The following ADARB2 variants were observed in gnomAD, a reference collection of about 807,000 sequenced individuals.
ADARB2 encodes inactive double-stranded RNA-specific editase B2.
Under a neutral mutation model 62.2 loss-of-function variants are expected in ADARB2, and 25 were observed. The ratio of observed to expected loss-of-function variants is 0.40; its 90% CI spans 0.29 to 0.56. ADARB2 has a LOEUF of 0.56. Ranked by LOEUF, ADARB2 falls within the 20% of genes least tolerant of loss-of-function variation. The pLI is 0.43. For synonymous variants in ADARB2, 572 were observed against 500.8 expected, an observed-to-expected ratio of 1.14 and a Z score of -1.90; for missense variants, 1,071 against 1,077.4, an observed-to-expected ratio of 0.99 and a Z score of 0.08.
chr10:1,512,430 C>T (rs1274445867), intron 1 of ADARB2, among the ~76,000 whole-genome samples: 2 of 152,194 alleles, frequency 1.3e-5, no homozygotes, highest in Non-Finnish European at 2.9e-5. Flanking sequence ...ACACTGGATA[C>T]CAAGACTTTG....
chr10:1,428,480 A>G (rs778929077), intron 1 of ADARB2, among the ~76,000 whole-genome samples: 5 of 151,020 alleles, frequency 3.3e-5, no homozygotes, highest in Non-Finnish European at 7.4e-5. Context: ...GTAGAGATGG[A>G]GTTTCACCAT....
intron 6 of ADARB2, among the ~76,000 whole-genome samples, chr10:1,218,680 A>G (rs1830654755): frequency 6.6e-6 from 1 of 152,138 alleles, no homozygotes. Context: ...TCTCATGCCC[A>G]GTTTACTACC....
At chr10:1,459,128 T>C (rs1831134966) in intron 1 of ADARB2, among the ~76,000 whole-genome samples, 1 of 152,226 alleles carries the variant, frequency 6.6e-6, no homozygotes, top group African/African-American at 2.4e-5. Flanking sequence ...TGGAAAGCAG[T>C]GTGGTAATTC....
chr10:1,224,933 C>T (rs1276229054), intron 6 of ADARB2, among the ~76,000 whole-genome samples: 2 of 152,074 alleles, frequency 1.3e-5, no homozygotes, highest in Admixed American at 1.3e-4. Context: ...CTATTAGGTC[C>T]ACTTGGTGCA....
chr10:1,480,446 C>T (rs1209623571), intron 1 of ADARB2, among the ~76,000 whole-genome samples: 1 of 152,214 alleles, frequency 6.6e-6, no homozygotes, highest in Non-Finnish European at 1.5e-5. Flanking sequence ...CGCCTGTAAT[C>T]CCAGCACTTT....
rs535379150 is a variant in ADARB2, at chr10:1,443,361, C to G, written c.101-64201G>C. ...CCTCAAAACTAACTGTCTTCAGTTT[C>G]CTTTCTTATTATGCAGGCGAATTAA... On this transcript the variant is annotated intron_variant, in intron 1 of 9. Transcript: ENST00000381312. Among the ~76,000 whole-genome samples, 3 of 152,232 alleles carry G rather than the reference C, an allele frequency of 2.0e-5. No individual in the cohort carries two copies. In the South Asian group the frequency reaches 6.2e-4, roughly 32 times the overall value.
At chr10:1,571,878 G>A (rs975330600) in intron 1 of ADARB2, among the ~76,000 whole-genome samples, 1 of 122,342 alleles carries the variant, frequency 8.2e-6, no homozygotes, top group Non-Finnish European at 1.7e-5. Context: ...GTGTGCAGGC[G>A]AGTAGGCAGG....
intron 1 of ADARB2, among the ~76,000 whole-genome samples, chr10:1,456,620 G>C (rs1280031606): frequency 6.6e-6 from 1 of 152,184 alleles, no homozygotes; most frequent in Non-Finnish European, 1.5e-5. Flanking sequence ...GGACTTGAAG[G>C]TTGATGGAAT....
chr10:1,523,686 A>G (rs1219983769), intron 1 of ADARB2, among the ~76,000 whole-genome samples: 1 of 144,910 alleles, frequency 6.9e-6, no homozygotes, highest in Non-Finnish European at 1.6e-5. Flanking sequence ...AATGATTTAG[A>G]GTATCACTGA....
chr10:1,179,427 C>G lies in ADARB2; in HGVS notation c.*3766G>C, dbSNP rs1836634824. The G allele has an allele frequency of 6.6e-6, 1 of 152,236 alleles. No individual in the cohort carries two copies. The highest frequency in any genetic ancestry group is 1.5e-5 in the Non-Finnish European group (1 of 68,056). The allele number at this position is 152,236 out of a possible 1,614,324, so 9.4% of individuals were successfully genotyped here. On this transcript the variant is annotated 3_prime_UTR_variant, in exon 10 of 10. Coordinates refer to ENST00000381312, the MANE Select transcript of ADARB2 (RefSeq NM_018702.4). Reference sequence around the variant, plus strand: ...AAACAATAGCTATCGACCTGCACATCCTTTCCTCAGCAAAAACAAAACCCA... The same window carrying G: ...AAACAATAGCTATCGACCTGCACATGCTTTCCTCAGCAAAAACAAAACCCA...
In ADARB2 at chr10:1,261,611, C is replaced by T. The variant is rs963768673; in HGVS notation, c.1192+9344G>A. ...AAAACCACAATGAGATACCATCTCA[C>T]ACCAGGCAATCATTAAAAAGTCAGG... is the stretch of plus-strand genomic sequence containing the variant. On this transcript the variant is annotated intron_variant, in intron 4 of 9. Coordinates refer to ENST00000381312, the MANE Select transcript of ADARB2 (RefSeq NM_018702.4). Among the ~76,000 whole-genome samples, 11 of 149,240 alleles carry T rather than the reference C, an allele frequency of 7.4e-5. 3 individuals are homozygous for T. Among genetic ancestry groups the T allele is most frequent in the African/African-American group, 2.8e-4 (11 of 38,702 alleles).
At chr10:1,508,907 C>A (rs189130926) in intron 1 of ADARB2, among the ~76,000 whole-genome samples, 3 of 152,214 alleles carry the variant, frequency 2.0e-5, no homozygotes, top group Admixed American at 6.5e-5. Context: ...CCAGGCTCTG[C>A]GGAGGCCTTT....
chr10:1,352,813 A>T (rs1465754446), intron 3 of ADARB2, among the ~76,000 whole-genome samples: 4 of 152,086 alleles, frequency 2.6e-5, no homozygotes, highest in Non-Finnish European at 4.4e-5. Context: ...ACATTATTCC[A>T]GATACCACAC....
intron 1 of ADARB2, among the ~76,000 whole-genome samples, chr10:1,663,182 A>T (rs951998760): frequency 2.6e-5 from 4 of 152,274 alleles, no homozygotes; most frequent in African/African-American, 9.6e-5. Flanking sequence ...AGTTGAGCAG[A>T]AAGTACAGAG....
Position 1,249,901 on chromosome 10 carries a change from G to A in ADARB2, c.1193-7602C>T, listed in dbSNP as rs551622442. ...AAGCGTTCCAAGTTAATATACAGAA[G>A]TCAATAACTTTCATAGAGACACACA... On this transcript the variant is annotated intron_variant, in intron 4 of 9. Transcript: ENST00000381312. 3.2e-3 allele frequency among the ~76,000 whole-genome samples: 483 copies of A among 151,770 alleles called. 8 individuals carry two copies. Among genetic ancestry groups the A allele is most frequent in the African/African-American group, 0.011 (459 of 41,482 alleles).
intron 1 of ADARB2, among the ~76,000 whole-genome samples, chr10:1,591,896 T>G (rs1833261228): frequency 6.6e-6 from 1 of 152,240 alleles, no homozygotes; most frequent in Non-Finnish European, 1.5e-5. Flanking sequence ...AAAATCTTCT[T>G]GCCAGTTCAT....
intron 8 of ADARB2, chr10:1,187,852 G>A (rs1836782316): frequency 2.3e-6 from 1 of 439,714 alleles, no homozygotes; most frequent in Non-Finnish European, 4.7e-6. Flanking sequence ...TCTCACCAGG[G>A]TGTGGTCCCA....
intron 3 of ADARB2, among the ~76,000 whole-genome samples, chr10:1,318,132 T>C (rs1056294298): frequency 1.3e-5 from 2 of 152,236 alleles, no homozygotes; most frequent in African/African-American, 4.8e-5. Context: ...TGTTAGACAC[T>C]GTAAAATCTA....
At chr10:1,708,843 C>T (rs550184348) in intron 1 of ADARB2, among the ~76,000 whole-genome samples, 2 of 152,290 alleles carry the variant, frequency 1.3e-5, no homozygotes, top group African/African-American at 4.8e-5. Context: ...CAGAATCCAT[C>T]CTCCAGCCTG....
Sources: gnomAD v4.1 joint callset for allele counts (sites outside exome capture counted in the v4.1 genomes callset) on GRCh38, gnomAD v4.1.1 for gene constraint, MANE v1.5 for transcripts, NCBI Gene and HGNC (gene_info 2026-07-23, HGNC 2026-07-21) for gene names.